The following NOPCHAP1 variants were observed in gnomAD, a reference collection of about 807,000 sequenced individuals.
NOPCHAP1 encodes NOP protein chaperone 1.
A neutral mutation model predicts 14.0 loss-of-function variants in NOPCHAP1; 13 were observed. That is an observed-to-expected ratio of 0.93 (90% CI 0.60 to 1.47). The LOEUF is 1.47. Ranked by LOEUF, NOPCHAP1 falls within the 40% of genes most tolerant of loss-of-function variation. NOPCHAP1 has a pLI of 0.00. For missense variants in NOPCHAP1, 230 were observed against 226.9 expected (o/e 1.01, Z -0.09); for synonymous variants, 78 against 78.4 (o/e 1.00, Z 0.03).
rs1254766408 is a variant in NOPCHAP1 at position 105,007,667 on chromosome 12, C to T, written c.*12971C>T. 1 of 152,154 alleles carries T rather than the reference C, an allele frequency of 6.6e-6. No individual in the cohort carries two copies. The highest frequency in any genetic ancestry group is 1.5e-5 in the Non-Finnish European group (1 of 68,050). 9.4% of individuals were successfully genotyped at this position (152,154 alleles called of 1,614,324 possible). ...ACTATCCCTCCCCTAGGCCCCCACC[C>T]CCCAACAGGCCCCAGTGTGTGATGT... is the stretch of plus-strand genomic sequence containing the variant. On this transcript the variant is annotated 3_prime_UTR_variant, in exon 4 of 4. Coordinates refer to ENST00000552951, the MANE Select transcript of NOPCHAP1 (RefSeq NM_152318.3).
chr12:104,994,886 C>A lies in NOPCHAP1; in HGVS notation c.*190C>A. On this transcript the variant is annotated 3_prime_UTR_variant, in exon 4 of 4. Coordinates refer to ENST00000552951, the MANE Select transcript of NOPCHAP1 (RefSeq NM_152318.3). ...TTAATGAGTTAGGTAGCATTGTAAA[C>A]TGAAAGGGGTTCAGAGACCTCCGCT... 1.7e-6 allele frequency: 1 copy of A among 583,296 alleles called. No homozygotes were observed. Among genetic ancestry groups the A allele is most frequent in the Non-Finnish European group, 3.0e-6 (1 of 334,114 alleles). The allele number at this position is 583,296 out of a possible 1,614,324, so 36.1% of individuals were successfully genotyped here. A position where few individuals can be genotyped will look rare whatever the true frequency, so the allele number is the denominator to read the frequency against.
At position 105,013,459 on chromosome 12, in the gene NOPCHAP1, A is replaced by G. The variant is rs964934665; in HGVS notation, c.*18763A>G. ...GCTAAGCTTGACCACTTGGCTTTCT[A>G]TCTTCAGCCCCCTTTCCAGGGGAGT... On this transcript the variant is annotated 3_prime_UTR_variant, in exon 4 of 4. Transcript: ENST00000552951. 4 of 152,154 alleles carry G rather than the reference A, an allele frequency of 2.6e-5. No homozygotes were observed. Among genetic ancestry groups the G allele is most frequent in the Admixed American group, 1.3e-4 (2 of 15,274 alleles). The allele number at this position is 152,154 out of a possible 1,614,324, so 9.4% of individuals were successfully genotyped here. A position where few individuals can be genotyped will look rare whatever the true frequency, so the allele number is the denominator to read the frequency against.
In NOPCHAP1 at chr12:104,996,257, G is replaced by A. The variant is rs1406734166; in HGVS notation, c.*1561G>A. ...TGGTATTTGAGCATCAGTCAGTTCA[G>A]TTCATCCACTGGTACATCTGCATAG... is the stretch of plus-strand genomic sequence containing the variant. On this transcript the variant is annotated 3_prime_UTR_variant, in exon 4 of 4. Coordinates refer to ENST00000552951, the MANE Select transcript of NOPCHAP1 (RefSeq NM_152318.3). The A allele has an allele frequency of 6.6e-6, 1 of 152,104 alleles. No homozygotes were observed. The highest frequency in any genetic ancestry group is 2.4e-5 in the African/African-American group (1 of 41,414). The allele number at this position is 152,104 out of a possible 1,614,324, so 9.4% of individuals were successfully genotyped here. A position where few individuals can be genotyped will look rare whatever the true frequency, so the allele number is the denominator to read the frequency against.
At position 105,011,591 on chromosome 12, in the gene NOPCHAP1, T is replaced by C. The variant is rs541214654; in HGVS notation, c.*16895T>C. Reference sequence around the variant, plus strand: ...TGCAGTTTCTTCATAGTGTTGATGGTCCTTACAATTTGGTATGTTTTTGCA... The same window carrying C: ...TGCAGTTTCTTCATAGTGTTGATGGCCCTTACAATTTGGTATGTTTTTGCA... On this transcript the variant is annotated 3_prime_UTR_variant, in exon 4 of 4. Coordinates refer to ENST00000552951, the MANE Select transcript of NOPCHAP1 (RefSeq NM_152318.3). The C allele has an allele frequency of 6.6e-6, 1 of 152,356 alleles. No individual in the cohort carries two copies. Among genetic ancestry groups the C allele is most frequent in the Admixed American group, 6.5e-5 (1 of 15,306 alleles). 9.4% of individuals were successfully genotyped at this position (152,356 alleles called of 1,614,324 possible).
Position 105,009,369 on chromosome 12 carries a change from C to G in NOPCHAP1, c.*14673C>G, listed in dbSNP as rs1420749815. On this transcript the variant is annotated 3_prime_UTR_variant, in exon 4 of 4. Transcript: ENST00000552951. The stretch of plus-strand genomic sequence containing the variant: ...CTTATCAGCTTAAGGAGTTTTTGGG[C>G]TAAGATGATGGGGTTTTCTAAATAT... 1 of 152,124 alleles carries G rather than the reference C, an allele frequency of 6.6e-6. No homozygotes were observed. The highest frequency in any genetic ancestry group is 2.4e-5 in the African/African-American group (1 of 41,418). The allele number at this position is 152,124 out of a possible 1,614,324, so 9.4% of individuals were successfully genotyped here.
chr12:104,997,758 T>C lies in NOPCHAP1; in HGVS notation c.*3062T>C, dbSNP rs966120524. 6.6e-6 allele frequency: 1 copy of C among 152,204 alleles called. No homozygotes were observed. The highest frequency in any genetic ancestry group is 1.5e-5 in the Non-Finnish European group (1 of 68,034). 9.4% of individuals were successfully genotyped at this position (152,204 alleles called of 1,614,324 possible). A position where few individuals can be genotyped will look rare whatever the true frequency, so the allele number is the denominator to read the frequency against. ...TTGAATGTTGGCCTCTCTAGCAAGGTTGGGGAAGTTTTCATCAGCGATATC... is the reference window on the plus strand; with the variant it reads ...TTGAATGTTGGCCTCTCTAGCAAGGCTGGGGAAGTTTTCATCAGCGATATC... On this transcript the variant is annotated 3_prime_UTR_variant, in exon 4 of 4. Coordinates refer to ENST00000552951, the MANE Select transcript of NOPCHAP1 (RefSeq NM_152318.3).
Position 104,991,835 on chromosome 12 carries a change from A to G in NOPCHAP1, c.326A>G (p.Lys109Arg). The G allele has an allele frequency of 6.2e-7, 1 of 1,608,442 alleles. No homozygotes were observed. Among genetic ancestry groups the G allele is most frequent in the Non-Finnish European group, 8.5e-7 (1 of 1,178,500 alleles). ...GAAAACATTGATGGGCCTCATAGTAAAGTTATACAAATGGTAACTATGCTT... is the reference window on the plus strand; with the variant it reads ...GAAAACATTGATGGGCCTCATAGTAGAGTTATACAAATGGTAACTATGCTT... ...NIENIDGPHS[K>R]VIQMDVALFE... Residue 109 changes from lysine (K) to arginine (R), a missense_variant, in exon 3 of 4, where the codon AAA becomes AGA. Transcript: ENST00000552951.
intron 2 of NOPCHAP1, among the ~76,000 whole-genome samples, chr12:104,990,992 C>T (rs1372477449): frequency 2.0e-5 from 3 of 152,150 alleles, no homozygotes; most frequent in South Asian, 2.1e-4. Flanking sequence ...TAATCTAGAG[C>T]GTACTCTTCC....
chr12:104,999,021 GT>G lies in NOPCHAP1; in HGVS notation c.*4329del. On this transcript the variant is annotated 3_prime_UTR_variant, in exon 4 of 4. Coordinates refer to ENST00000552951, the MANE Select transcript of NOPCHAP1 (RefSeq NM_152318.3). Reference sequence around the variant, plus strand: ...GCAGGTCCACTGGTCACTGTGCCTAGTTTTGCAGCTGGTGGCAGTGTTGGTG... The same window carrying G: ...GCAGGTCCACTGGTCACTGTGCCTAGTTTGCAGCTGGTGGCAGTGTTGGTG... 6.5e-6 allele frequency: 1 copy of G among 152,916 alleles called. No homozygotes were observed. Among genetic ancestry groups the G allele is most frequent in the Non-Finnish European group, 1.5e-5 (1 of 68,482 alleles). The allele number at this position is 152,916 out of a possible 1,614,324, so 9.5% of individuals were successfully genotyped here. A position where few individuals can be genotyped will look rare whatever the true frequency, so the allele number is the denominator to read the frequency against.
rs957244638 is a variant in NOPCHAP1, at chr12:105,015,962, T to G, written c.*21266T>G. 3.3e-5 allele frequency: 5 copies of G among 151,282 alleles called. No homozygotes were observed. The highest frequency in any genetic ancestry group is 1.2e-4 in the African/African-American group (5 of 41,176). The allele number at this position is 151,282 out of a possible 1,614,324, so 9.4% of individuals were successfully genotyped here. On this transcript the variant is annotated 3_prime_UTR_variant, in exon 4 of 4. Transcript: ENST00000552951. ...AGTTCCATACCGAAATGCAGGTTTA[T>G]ATTTAGTAAAATAGTCAAGAAAGGT...
At chr12:104,989,931 A>G (rs1873335419) in intron 2 of NOPCHAP1, among the ~76,000 whole-genome samples, 1 of 152,128 alleles carries the variant, frequency 6.6e-6, no homozygotes, top group South Asian at 2.1e-4. Context: ...TTCCATCTCT[A>G]GAAGTTTGAG....
In NOPCHAP1 at chr12:104,991,908, G is replaced by C. The variant is rs1370514348; in HGVS notation, c.339+60G>C. 10 of 1,519,884 alleles carry C rather than the reference G, an allele frequency of 6.6e-6. No individual in the cohort carries two copies. In the East Asian group the frequency reaches 2.3e-4, roughly 35 times the overall value. The allele number at this position is 1,519,884 out of a possible 1,614,324, so 94.1% of individuals were successfully genotyped here. On this transcript the variant is annotated intron_variant, in intron 3 of 3. Coordinates refer to ENST00000552951, the MANE Select transcript of NOPCHAP1 (RefSeq NM_152318.3). Reference sequence around the variant, plus strand: ...TGGTCTGCCTGTCACCTAAGAAGAAGAGAACTTTTCCATTTTATTTTCAAG... The same window carrying C: ...TGGTCTGCCTGTCACCTAAGAAGAACAGAACTTTTCCATTTTATTTTCAAG...
At chr12:104,989,731 A>G (rs1873329892) in intron 2 of NOPCHAP1, among the ~76,000 whole-genome samples, 1 of 152,170 alleles carries the variant, frequency 6.6e-6, no homozygotes, top group Admixed American at 6.5e-5. Context: ...CCTCTCCTGA[A>G]GGGACTCCAA....
Position 105,013,737 on chromosome 12 carries a change from T to A in NOPCHAP1, c.*19041T>A, listed in dbSNP as rs986842892. The A allele has an allele frequency of 1.3e-5, 2 of 151,770 alleles. No individual in the cohort carries two copies. The highest frequency in any genetic ancestry group is 4.9e-5 in the African/African-American group (2 of 41,220). The allele number at this position is 151,770 out of a possible 1,614,324, so 9.4% of individuals were successfully genotyped here. A position where few individuals can be genotyped will look rare whatever the true frequency, so the allele number is the denominator to read the frequency against. On this transcript the variant is annotated 3_prime_UTR_variant, in exon 4 of 4. Transcript: ENST00000552951. Reference sequence around the variant, plus strand: ...GGCTTCCCTTGGCTAGGGGAGGGAGTTCCCTGGCTTCCCTTGGCTTCCCTG... The same window carrying A: ...GGCTTCCCTTGGCTAGGGGAGGGAGATCCCTGGCTTCCCTTGGCTTCCCTG...
rs181740974 is a variant in NOPCHAP1 at position 104,987,504 on chromosome 12, G to A, written c.116-663G>A. On this transcript the variant is annotated intron_variant, in intron 1 of 3. Coordinates refer to ENST00000552951, the MANE Select transcript of NOPCHAP1 (RefSeq NM_152318.3). ...TGTTTGTTGCGGCTCTGCTTTGCAG[G>A]TGAACAGGATTTGTTTTTTAACCAG... Among the ~76,000 whole-genome samples, 60 of 152,304 alleles carry A rather than the reference G, an allele frequency of 3.9e-4. No homozygotes were observed. The East Asian group carries it at 9.8e-3, about 25-fold the overall frequency.
At chr12:104,994,400 G>C in intron 3 of NOPCHAP1, 78 bp from the exon 4 acceptor site, 5 of 1,285,192 alleles carry the variant, frequency 3.9e-6, no homozygotes, top group African/African-American at 1.5e-5. Flanking sequence ...CTGAATGTTG[G>C]TTCTTCCCAA....
In NOPCHAP1 at chr12:104,986,399, C is replaced by T. The variant is rs746380021; in HGVS notation, c.47C>T (p.Pro16Leu). ...KPKASPSCSS[P>L]TRDSSGVPVS... Reference sequence around the variant, plus strand: ...AAGGCTAGCCCGAGTTGTTCGTCGCCCACCCGGGATTCCTCAGGAGTCCCA... The same window carrying T: ...AAGGCTAGCCCGAGTTGTTCGTCGCTCACCCGGGATTCCTCAGGAGTCCCA... The change falls in exon 1 of 4, where the codon CCC becomes CTC. Residue 16 changes from proline to leucine, a missense_variant. By Grantham distance (98) the Pro-to-Leu change is moderately conservative (BLOSUM62 -3). Coordinates refer to ENST00000552951, the MANE Select transcript of NOPCHAP1 (RefSeq NM_152318.3). The T allele has an allele frequency of 6.2e-7, 1 of 1,611,934 alleles. No individual in the cohort carries two copies.
At chr12:104,987,196 G>A (rs1356880903) in intron 1 of NOPCHAP1, among the ~76,000 whole-genome samples, 1 of 152,188 alleles carries the variant, frequency 6.6e-6, no homozygotes, top group South Asian at 2.1e-4. Flanking sequence ...CAGAGATTCC[G>A]AAGGAAGTAT....
rs1230160293 is a variant in NOPCHAP1 at position 105,006,881 on chromosome 12, T to A, written c.*12185T>A. 1 of 151,510 alleles carries A rather than the reference T, an allele frequency of 6.6e-6. No individual in the cohort carries two copies. Among genetic ancestry groups the A allele is most frequent in the African/African-American group, 2.4e-5 (1 of 41,266 alleles). The allele number at this position is 151,510 out of a possible 1,614,324, so 9.4% of individuals were successfully genotyped here. A position where few individuals can be genotyped will look rare whatever the true frequency, so the allele number is the denominator to read the frequency against. On this transcript the variant is annotated 3_prime_UTR_variant, in exon 4 of 4. Transcript: ENST00000552951. Reference sequence around the variant, plus strand: ...GTGCAGATTATTTCGTTTGTGGCATTTTTTTTTTCCAGATGAGGGTACTTC... The same window carrying A: ...GTGCAGATTATTTCGTTTGTGGCATATTTTTTTTCCAGATGAGGGTACTTC...
Sources: gnomAD v4.1 joint callset for allele counts (sites outside exome capture counted in the v4.1 genomes callset) on GRCh38, gnomAD v4.1.1 for gene constraint, MANE v1.5 for transcripts, NCBI Gene and HGNC (gene_info 2026-07-23, HGNC 2026-07-21) for gene names.